ADAMTS16: variants seen among roughly 807,000 people sequenced by gnomAD.
The protein encoded by ADAMTS16 is A disintegrin and metalloproteinase with thrombospondin motifs 16.
In ADAMTS16, 94 loss-of-function variants were observed where a neutral mutation model predicts 145.8. That is an observed-to-expected ratio of 0.64 (90% CI 0.55 to 0.77). The LOEUF (loss-of-function observed/expected upper bound fraction) is 0.77, where lower values mean the gene tolerates loss of function less well. ADAMTS16 is among the 30% of genes least tolerant of loss of function. ADAMTS16 has a pLI of 0.00. For missense variants in ADAMTS16, 1,585 were observed against 1,591.5 expected (o/e 1.00, Z 0.07); for synonymous variants, 659 against 604.3 (o/e 1.09, Z -1.33).
intron 11 of ADAMTS16, among the ~76,000 whole-genome samples, chr5:5,227,537 GTGTGTGTGTGTC>G (rs1368793789): frequency 4.1e-4 from 41 of 99,284 alleles, no homozygotes; most frequent in African/African-American, 1.9e-3. Context: ...GTGTGTGTGT[GTGTGTGTGTGTC>G]TCTACATGCA....
chr5:5,212,189 G>GTTTTTTTTTTTTTTTTT (rs200419820), intron 10 of ADAMTS16, among the ~76,000 whole-genome samples: 2 of 98,718 alleles, frequency 2.0e-5, no homozygotes, highest in Admixed American at 1.3e-4. Context: ...TAGTTTCTGG[G>GTTTTTTTTTTTTTTTTT]GTTTTTTTTG....
At chr5:5,141,053 A>G (rs1734155803) in intron 2 of ADAMTS16, among the ~76,000 whole-genome samples, 1 of 152,232 alleles carries the variant, frequency 6.6e-6, no homozygotes, top group Admixed American at 6.5e-5. Context: ...GAGCTTAGGA[A>G]GAATCTAAAG....
Position 5,232,305 on chromosome 5 carries a change from T to A in ADAMTS16, c.1702-63T>A, listed in dbSNP as rs1736951157. 7 of 1,584,372 alleles carry A rather than the reference T, an allele frequency of 4.4e-6. No homozygotes were observed. The South Asian group carries it at 7.8e-5, about 18-fold the overall frequency. On this transcript the variant is annotated intron_variant, in intron 11 of 22. Coordinates refer to ENST00000274181, the MANE Select transcript of ADAMTS16 (RefSeq NM_139056.4). ...CCACTGCTCAGCCTTATAGCAGTGA[T>A]GAGATGAACCCATCTATCCATCTGT... is the stretch of plus-strand genomic sequence containing the variant.
intron 3 of ADAMTS16, among the ~76,000 whole-genome samples, chr5:5,165,871 C>T (rs1417707678): frequency 2.0e-5 from 3 of 152,122 alleles, no homozygotes; most frequent in East Asian, 1.9e-4. Context: ...AACACATGTG[C>T]GTGCCTGGCT....
In ADAMTS16 at chr5:5,269,642, G is replaced by C. The variant is rs1177024621; in HGVS notation, c.2789+6859G>C. ...AAGGGCAGATGGTCCCGAGCCTCTAGAGGAGCCTTTGGAAGTTACTATTTT... is the reference window on the plus strand; with the variant it reads ...AAGGGCAGATGGTCCCGAGCCTCTACAGGAGCCTTTGGAAGTTACTATTTT... On this transcript the variant is annotated intron_variant, in intron 18 of 22. Coordinates refer to ENST00000274181, the MANE Select transcript of ADAMTS16 (RefSeq NM_139056.4). This position sits in a 1 kb window ranked among gnomAD's most constrained non-coding sequence, Gnocchi z 4.3. Among the ~76,000 whole-genome samples, 2 of 152,110 alleles carry C rather than the reference G, an allele frequency of 1.3e-5. No individual in the cohort carries two copies. Among genetic ancestry groups the C allele is most frequent in the African/African-American group, 2.4e-5 (1 of 41,410 alleles).
At chr5:5,267,524 G>A (rs568260509) in intron 18 of ADAMTS16, among the ~76,000 whole-genome samples, 40 of 152,214 alleles carry the variant, frequency 2.6e-4, no homozygotes, top group South Asian at 1.0e-3. Flanking sequence ...GTTCTCCTCC[G>A]ACCGTCCCAG....
chr5:5,190,815 T>C (rs1735644803), intron 7 of ADAMTS16, among the ~76,000 whole-genome samples: 1 of 152,174 alleles, frequency 6.6e-6, no homozygotes, highest in South Asian at 2.1e-4. Flanking sequence ...TAGACAGCCC[T>C]CCTCACCCAG....
Position 5,250,736 on chromosome 5 carries a change from T to TGTGTGCGC in ADAMTS16, c.2662+8546_2662+8547insTGTGCGCG, listed in dbSNP as rs764397980. Reference sequence around the variant, plus strand: ...GTGTGTGTGTGTGTGTGTGTGTGTGTGCGCGCACTCCTGGAGAGGCACAGA... The same window carrying TGTGTGCGC: ...GTGTGTGTGTGTGTGTGTGTGTGTGTGTGTGCGCGCGCGCACTCCTGGAGAGGCACAGA... On this transcript the variant is annotated intron_variant, in intron 17 of 22. Transcript: ENST00000274181. Among the ~76,000 whole-genome samples, 121 of 141,920 alleles carry TGTGTGCGC rather than the reference T, an allele frequency of 8.5e-4. No individual in the cohort carries two copies. In the Middle Eastern group the frequency reaches 0.011, roughly 13 times the overall value. 93.1% of individuals were successfully genotyped at this position (141,920 alleles called of 152,430 possible).
intron 18 of ADAMTS16, among the ~76,000 whole-genome samples, chr5:5,288,323 A>G (rs1358509715): frequency 6.6e-6 from 1 of 152,218 alleles, no homozygotes; most frequent in African/African-American, 2.4e-5. Flanking sequence ...AAATGAACCT[A>G]TGTTACTCAT....
chr5:5,300,136 T>A (rs1739711801), intron 18 of ADAMTS16, among the ~76,000 whole-genome samples: 1 of 152,158 alleles, frequency 6.6e-6, no homozygotes, highest in Non-Finnish European at 1.5e-5. Flanking sequence ...AACGAGGCGG[T>A]GTGAAAAGCT....
At chr5:5,189,784 T>C (rs549329817) in intron 6 of ADAMTS16, among the ~76,000 whole-genome samples, 187 bp from the exon 7 acceptor site, 1 of 152,346 alleles carries the variant, frequency 6.6e-6, no homozygotes, top group African/African-American at 2.4e-5. Flanking sequence ...GAAACGTGCC[T>C]AAGTGTGTAC....
chr5:5,202,347 T>A (rs1229173013), intron 9 of ADAMTS16, among the ~76,000 whole-genome samples: 1 of 152,222 alleles, frequency 6.6e-6, no homozygotes, highest in African/African-American at 2.4e-5. Flanking sequence ...TAAACCTGTA[T>A]TCTGGGAATA....
At chr5:5,277,401 C>T (rs962511692) in intron 18 of ADAMTS16, among the ~76,000 whole-genome samples, 24 of 152,188 alleles carry the variant, frequency 1.6e-4, no homozygotes, top group African/African-American at 5.8e-4. Flanking sequence ...ATAGGGCCAA[C>T]GTGCTAGAGA....
chr5:5,253,054 A>C (rs1282870970), intron 17 of ADAMTS16, among the ~76,000 whole-genome samples: 1 of 151,810 alleles, frequency 6.6e-6, no homozygotes, highest in Non-Finnish European at 1.5e-5. Context: ...ATAATCTTAA[A>C]CTCTTCTTTC....
At chr5:5,199,757 C>T (rs73038127) in intron 8 of ADAMTS16, among the ~76,000 whole-genome samples, 2,907 of 152,234 alleles carry the variant, frequency 0.019, 108 homozygotes, top group African/African-American at 0.067. Flanking sequence ...ACATTTCTAA[C>T]GAACACCCAT....
intron 3 of ADAMTS16, among the ~76,000 whole-genome samples, chr5:5,173,969 T>C (rs1481536333): frequency 6.6e-6 from 1 of 152,246 alleles, no homozygotes; most frequent in Non-Finnish European, 1.5e-5. Context: ...ACTCAAGATA[T>C]GAGTGATTTA....
intron 21 of ADAMTS16, among the ~76,000 whole-genome samples, chr5:5,308,860 G>T (rs891065933): frequency 4.0e-5 from 6 of 150,462 alleles, no homozygotes; most frequent in Admixed American, 6.7e-5. Flanking sequence ...TGAAACAGGA[G>T]AATTGCTTGA....
intron 3 of ADAMTS16, among the ~76,000 whole-genome samples, chr5:5,168,910 T>C (rs888468074): frequency 6.6e-6 from 1 of 151,146 alleles, no homozygotes; most frequent in African/African-American, 2.4e-5. Flanking sequence ...ACACATTGAA[T>C]CTGGGATAGC....
chr5:5,229,728 A>T (rs570660097), intron 11 of ADAMTS16, among the ~76,000 whole-genome samples: 2 of 152,326 alleles, frequency 1.3e-5, no homozygotes, highest in East Asian at 3.9e-4. Context: ...AGAGAAAAGC[A>T]TCGTGGTTTT....
Sources: gnomAD v4.1 joint callset for allele counts (sites outside exome capture counted in the v4.1 genomes callset) on GRCh38, gnomAD v4.1.1 for gene constraint, Gnocchi (gnomAD v3.1) non-coding constraint, MANE v1.5 for transcripts, NCBI Gene and HGNC (gene_info 2026-07-23, HGNC 2026-07-21) for gene names.